COL28A1: variants seen among roughly 807,000 people sequenced by gnomAD.
COL28A1 encodes the protein collagen alpha-1(XXVIII) chain.
A neutral mutation model predicts 150.2 loss-of-function variants in COL28A1; 161 were observed. The observed-to-expected ratio is 1.07, with a 90% CI of 0.94 to 1.22. The LOEUF (loss-of-function observed/expected upper bound fraction) is 1.22. Ranked by LOEUF, COL28A1 falls within the 50% of genes most tolerant of loss-of-function variation. COL28A1 has a pLI of 0.00. For synonymous variants in COL28A1, 552 were observed against 469.7 expected (o/e 1.18, Z -2.26); for missense variants, 1,617 against 1,388.3 (o/e 1.16, Z -2.62).
intron 15 of COL28A1, among the ~76,000 whole-genome samples, chr7:7,457,897 G>A (rs577688625): frequency 6.6e-6 from 1 of 152,254 alleles, no homozygotes; most frequent in East Asian, 1.9e-4. Flanking sequence ...ACTACATTAG[G>A]GCCGCAAAAC....
intron 3 of COL28A1, among the ~76,000 whole-genome samples, chr7:7,530,995 C>T (rs1164497968): frequency 1.3e-5 from 2 of 152,126 alleles, no homozygotes; most frequent in Non-Finnish European, 2.9e-5. Flanking sequence ...TATAGCCTAA[C>T]ACCTCAAGTT....
At chr7:7,474,257 A>G (rs1367729011) in intron 15 of COL28A1, among the ~76,000 whole-genome samples, 1 of 151,928 alleles carries the variant, frequency 6.6e-6, no homozygotes, top group Admixed American at 6.6e-5. Context: ...GCAAAGGCAT[A>G]AGAAAGACAC....
intron 33 of COL28A1, among the ~76,000 whole-genome samples, chr7:7,361,991 G>A (rs1165914064): frequency 6.6e-6 from 1 of 152,118 alleles, no homozygotes; most frequent in Non-Finnish European, 1.5e-5. Context: ...GAAAACACAT[G>A]GACACAGGGA....
upstream of COL28A1, among the ~76,000 whole-genome samples, chr7:7,536,979 T>C (rs749745765): frequency 2.2e-4 from 33 of 152,314 alleles, no homozygotes; most frequent in Non-Finnish European, 4.7e-4. Flanking sequence ...CAAGAGCTAA[T>C]TGATATAAAT....
intron 13 of COL28A1, among the ~76,000 whole-genome samples, chr7:7,486,157 A>G (rs1050211693): frequency 6.6e-6 from 1 of 152,166 alleles, no homozygotes; most frequent in Non-Finnish European, 1.5e-5. Flanking sequence ...TACAAGCCCT[A>G]TATGTGTCTT....
intron 13 of COL28A1, among the ~76,000 whole-genome samples, chr7:7,483,942 A>G (rs1219738075): frequency 2.0e-5 from 3 of 152,134 alleles, no homozygotes; most frequent in African/African-American, 7.2e-5. Flanking sequence ...TTATAACATG[A>G]TGAAGATAAA....
chr7:7,502,598 T>G (rs1780594110), intron 11 of COL28A1, among the ~76,000 whole-genome samples: 1 of 152,194 alleles, frequency 6.6e-6, no homozygotes, highest in African/African-American at 2.4e-5. Context: ...GTTGCAAGTT[T>G]AAAGGTTTCT....
chr7:7,521,124 C>T (rs1334021769), intron 5 of COL28A1, among the ~76,000 whole-genome samples: 4 of 152,102 alleles, frequency 2.6e-5, no homozygotes. Context: ...GTGAGATTCT[C>T]CATAGGGCTT....
chr7:7,356,962 T>C (rs1401545133), downstream of COL28A1: 2 of 152,210 alleles, frequency 1.3e-5, no homozygotes, highest in Non-Finnish European at 2.9e-5. Flanking sequence ...TGGCTATTCT[T>C]CCATCTCCTT....
At chr7:7,356,593 AC>A (rs1780367048), downstream of COL28A1, 1 of 152,136 alleles carries the variant, frequency 6.6e-6, no homozygotes, top group African/African-American at 2.4e-5. Flanking sequence ...TGTCACAAGG[AC>A]AAAAAACCAA....
intron 27 of COL28A1, among the ~76,000 whole-genome samples, chr7:7,392,919 A>G (rs1782629155): frequency 1.3e-5 from 2 of 152,134 alleles, no homozygotes; most frequent in Admixed American, 6.5e-5. Context: ...TTGGGTTACA[A>G]CATGCTCCTT....
rs961728624 is a variant in COL28A1, at chr7:7,523,458, GTTT to G, written c.702+768_702+770del. Among the ~76,000 whole-genome samples, 9 of 147,710 alleles carry G rather than the reference GTTT, an allele frequency of 6.1e-5. No individual in the cohort carries two copies. The South Asian group carries it at 6.5e-4, about 11-fold the overall frequency. On this transcript the variant is annotated intron_variant, in intron 4 of 34. Coordinates refer to ENST00000399429, the MANE Select transcript of COL28A1 (RefSeq NM_001037763.3). ...CAGGCGTGAGCGACCATGCCTGGCCGTTTTTTTTTTCCTTTCTTAATGGTACAT... is the reference window on the plus strand; with the variant it reads ...CAGGCGTGAGCGACCATGCCTGGCCGTTTTTTTCCTTTCTTAATGGTACAT...
At chr7:7,507,387 G>C (rs1015639115) in intron 9 of COL28A1, among the ~76,000 whole-genome samples, 2 of 152,144 alleles carry the variant, frequency 1.3e-5, no homozygotes, top group Non-Finnish European at 2.9e-5. Flanking sequence ...TTAGATGTAA[G>C]TCCGTTGCCT....
chr7:7,458,983 G>C (rs186250973), intron 15 of COL28A1, among the ~76,000 whole-genome samples: 4 of 152,168 alleles, frequency 2.6e-5, no homozygotes, highest in African/African-American at 7.2e-5. Context: ...TATCAGAGGC[G>C]TGTTTATATT....
chr7:7,460,486 C>G (rs1276828967), intron 15 of COL28A1, among the ~76,000 whole-genome samples: 1 of 152,038 alleles, frequency 6.6e-6, no homozygotes, highest in Non-Finnish European at 1.5e-5. Context: ...GGTTCACCCA[C>G]CATTCTCCTG....
chr7:7,417,633 T>A, intron 27 of COL28A1: 1 of 519,968 alleles, frequency 1.9e-6, no homozygotes, highest in Admixed American at 4.1e-5. Flanking sequence ...ATAGAACAGT[T>A]CACTTTTGCA....
At chr7:7,398,752 G>C (rs1038253504) in intron 27 of COL28A1, among the ~76,000 whole-genome samples, 4 of 152,186 alleles carry the variant, frequency 2.6e-5, no homozygotes, top group Non-Finnish European at 5.9e-5. Flanking sequence ...CAGAGAGACA[G>C]GGTTGCCTTT....
At chr7:7,473,759 T>G (rs1788630631) in intron 15 of COL28A1, among the ~76,000 whole-genome samples, 1 of 152,068 alleles carries the variant, frequency 6.6e-6, no homozygotes, top group Non-Finnish European at 1.5e-5. Context: ...CAGCACAATT[T>G]GCAAATGCAA....
At chr7:7,422,554 G>A (rs771200854) in intron 25 of COL28A1, among the ~76,000 whole-genome samples, 39 of 151,962 alleles carry the variant, frequency 2.6e-4, no homozygotes, top group African/African-American at 7.7e-4. Flanking sequence ...ACTTGAACCC[G>A]GGAGGCAGAG....
Sources: gnomAD v4.1 joint callset for allele counts (sites outside exome capture counted in the v4.1 genomes callset) on GRCh38, gnomAD v4.1.1 for gene constraint, MANE v1.5 for transcripts, NCBI Gene and HGNC (gene_info 2026-07-23, HGNC 2026-07-21) for gene names.